ECPAS: variants seen among roughly 807,000 people sequenced by gnomAD.
The protein encoded by ECPAS is Ecm29 proteasome adaptor and scaffold, also known as proteasome adapter and scaffold protein ECM29.
ECPAS carries 70 observed loss-of-function variants against 255.1 expected under a neutral mutation model. That is an observed-to-expected ratio of 0.27 (90% CI 0.23 to 0.33). ECPAS has a LOEUF of 0.33. ECPAS is among the 10% of genes least tolerant of loss of function. The pLI is 1.00. For missense variants in ECPAS, 1,817 were observed against 2,206.4 expected (o/e 0.82, Z 3.54); for synonymous variants, 784 against 775.0 (o/e 1.01, Z -0.19).
rs768706861 is a variant in ECPAS at position 111,433,277 on chromosome 9, G to A, written c.804C>T (p.His268=). The change falls in exon 8 of 50, where the codon CAC becomes CAT. Residue 268 remains histidine, a synonymous_variant. Transcript: ENST00000684092. ...CCAGGTCTGCTGCCGTTGCCACACT[G>A]TGGCGTGTATCACTAGAGGCAATCA... ...HLVIASSDTR[H]SVATAADLEL... The A allele has an allele frequency of 9.9e-6, 16 of 1,613,894 alleles. No homozygotes were observed. Among genetic ancestry groups the A allele is most frequent in the Admixed American group, 1.7e-5 (1 of 60,010 alleles).
chr9:111,484,173 G>C lies in ECPAS; in HGVS notation c.-140C>G, dbSNP rs1390674196. The C allele has an allele frequency of 1.3e-6, 2 of 1,483,942 alleles. No individual in the cohort carries two copies. Among genetic ancestry groups the C allele is most frequent in the Middle Eastern group, 2.4e-4 (1 of 4,198 alleles). The allele number at this position is 1,483,942 out of a possible 1,614,324, so 91.9% of individuals were successfully genotyped here. On this transcript the variant is annotated 5_prime_UTR_variant, in exon 1 of 50. Transcript: ENST00000684092. ...CTGCGCTCGGCGCCGCGAGGTGAGG[G>C]CTGTAGAGCGAGGCGTTCGGCGGGC...
Position 111,412,068 on chromosome 9 carries a change from C to G in ECPAS, c.2160G>C (p.Gly720=). ...GTTCTATCATTGATTTCAACTCATT[C>G]CCCGACACTGTTGATACCACTACAG... is the stretch of plus-strand genomic sequence containing the variant. The part of the protein sequence containing the change: ...FYSVVVSTVS[G]NELKSMIEQL... Residue 720 remains glycine (G), a synonymous_variant, in exon 21 of 50, where the codon GGG becomes GGC. Transcript: ENST00000684092. The G allele has an allele frequency of 6.3e-7, 1 of 1,594,044 alleles. No homozygotes were observed. The highest frequency in any genetic ancestry group is 8.5e-7 in the Non-Finnish European group (1 of 1,174,474).
intron 48 of ECPAS, among the ~76,000 whole-genome samples, chr9:111,364,857 C>G (rs2098118338): frequency 6.6e-6 from 1 of 152,168 alleles, no homozygotes; most frequent in African/African-American, 2.4e-5. Flanking sequence ...TGGATATAAT[C>G]ATGAGAAAAC....
At chr9:111,435,086 A>G (rs1355683106) in intron 7 of ECPAS, among the ~76,000 whole-genome samples, 1 of 151,258 alleles carries the variant, frequency 6.6e-6, no homozygotes, top group African/African-American at 2.4e-5. Flanking sequence ...TTTAATAGAG[A>G]CGGGGTCTCA....
intron 7 of ECPAS, among the ~76,000 whole-genome samples, chr9:111,436,196 C>CA (rs890769384): frequency 1.3e-4 from 19 of 149,898 alleles, no homozygotes; most frequent in East Asian, 3.9e-4. Context: ...TTACATTTCC[C>CA]AAAAAAAAAG....
chr9:111,474,607 G>T (rs571001871), intron 1 of ECPAS, among the ~76,000 whole-genome samples: 44 of 152,190 alleles, frequency 2.9e-4, no homozygotes, highest in African/African-American at 1.0e-3. Context: ...AAGCTCTGAT[G>T]GTTCTCTACT....
chr9:111,369,750 G>A (rs995935582), intron 45 of ECPAS, among the ~76,000 whole-genome samples: 2 of 151,578 alleles, frequency 1.3e-5, no homozygotes, highest in Non-Finnish European at 2.9e-5. Flanking sequence ...TTTGGGGGGG[G>A]GACCAGTGCC....
At chr9:111,393,841 G>T in intron 26 of ECPAS, 107 bp from the exon 27 acceptor site, 1 of 834,126 alleles carries the variant, frequency 1.2e-6, no homozygotes, top group East Asian at 2.5e-5. Context: ...ATCCAAGCCA[G>T]TTACAATCGC....
intron 32 of ECPAS, 119 bp downstream of exon 32, chr9:111,386,258 C>T (rs2131586141): frequency 2.8e-6 from 2 of 725,358 alleles, no homozygotes; most frequent in Non-Finnish European, 4.8e-6. Flanking sequence ...GCCACCACGC[C>T]CGGCCAGCTT....
intron 41 of ECPAS, 52 bp from the exon 42 acceptor site, chr9:111,372,672 C>T (rs1316335749): frequency 8.8e-6 from 12 of 1,363,988 alleles, no homozygotes; most frequent in East Asian, 2.4e-5. Flanking sequence ...TTAAGGGTAA[C>T]TGATCTAAAC....
intron 8 of ECPAS, among the ~76,000 whole-genome samples, chr9:111,432,230 G>T (rs2098231061): frequency 1.3e-5 from 2 of 152,098 alleles, no homozygotes; most frequent in Admixed American, 1.3e-4. Flanking sequence ...TGAGATAAAA[G>T]GATAGAAATA....
chr9:111,412,339 T>G (rs1196511503), intron 20 of ECPAS, among the ~76,000 whole-genome samples, 191 bp from the exon 21 acceptor site: 1 of 152,194 alleles, frequency 6.6e-6, no homozygotes, highest in Non-Finnish European at 1.5e-5. Context: ...TCGTCAAAGA[T>G]ACACAAGTAC....
intron 31 of ECPAS, among the ~76,000 whole-genome samples, chr9:111,389,243 G>C (rs1016482138): frequency 7.2e-5 from 11 of 152,164 alleles, no homozygotes; most frequent in Non-Finnish European, 1.3e-4. Flanking sequence ...ATGGGACTAT[G>C]ACCCATTCTC....
chr9:111,412,770 T>C lies in ECPAS; in HGVS notation c.2080-622A>G, dbSNP rs569319666. On this transcript the variant is annotated intron_variant, in intron 20 of 49. Transcript: ENST00000684092. ...AAAAACCTTTTTAAACTAAAAGCAA[T>C]TTCATAAGACCAGACTATCCAGAAA... 4.1e-4 allele frequency among the ~76,000 whole-genome samples: 63 copies of C among 152,300 alleles called. 2 individuals are homozygous for C. The South Asian group carries it at 0.013, about 31-fold the overall frequency.
intron 6 of ECPAS, among the ~76,000 whole-genome samples, chr9:111,439,502 C>T (rs186626019): frequency 9.9e-5 from 15 of 152,220 alleles, no homozygotes; most frequent in Admixed American, 3.3e-4. Flanking sequence ...CTTCTGGGCT[C>T]AAGGGATCTG....
chr9:111,475,210 C>T (rs2098294682), intron 1 of ECPAS, among the ~76,000 whole-genome samples: 2 of 152,140 alleles, frequency 1.3e-5, no homozygotes, highest in South Asian at 2.1e-4. Flanking sequence ...TAAAAGTCTG[C>T]TTATTGAATT....
At chr9:111,438,713 G>A (rs2098241638) in intron 6 of ECPAS, among the ~76,000 whole-genome samples, 1 of 152,220 alleles carries the variant, frequency 6.6e-6, no homozygotes, top group South Asian at 2.1e-4. Context: ...AATAGCATCT[G>A]CCATTCTATC....
intron 17 of ECPAS, 91 bp from the exon 18 acceptor site, chr9:111,416,443 A>G (rs1314446249): frequency 1.1e-6 from 1 of 898,650 alleles, no homozygotes; most frequent in Non-Finnish European, 1.8e-6. Context: ...GTTTCTAGCT[A>G]CATGTCCTAA....
chr9:111,482,343 G>C (rs1374073021), intron 1 of ECPAS, among the ~76,000 whole-genome samples: 1 of 152,180 alleles, frequency 6.6e-6, no homozygotes, highest in African/African-American at 2.4e-5. Flanking sequence ...AAAGCAGCAA[G>C]GAACTTAATC....
Sources: gnomAD v4.1 joint callset for allele counts (sites outside exome capture counted in the v4.1 genomes callset) on GRCh38, gnomAD v4.1.1 for gene constraint, MANE v1.5 for transcripts, NCBI Gene and HGNC (gene_info 2026-07-23, HGNC 2026-07-21) for gene names.